The following RBM46 variants were observed in gnomAD, a reference collection of about 807,000 sequenced individuals.
RBM46 encodes the protein RNA binding motif protein 46.
In RBM46, 12 loss-of-function variants were observed where a neutral mutation model predicts 43.3. That is an observed-to-expected ratio of 0.28 (90% CI 0.18 to 0.45). The LOEUF is 0.45. Among genes scored for constraint, RBM46 ranks in the 20% least tolerant of loss-of-function variants. RBM46 has a pLI of 1.00. For missense variants in RBM46, 412 were observed against 639.1 expected (o/e 0.64, Z 3.83); for synonymous variants, 205 against 207.6 (o/e 0.99, Z 0.11).
chr4:154,827,416 C>T (rs576065734), intron 4 of RBM46: 8 of 987,584 alleles, frequency 8.1e-6, no homozygotes, highest in Non-Finnish European at 9.6e-6. Context: ...AATGTTTTTG[C>T]AGTCCAGGGG....
Position 154,828,080 on chromosome 4 carries a change from CATT to C in RBM46, c.*15_*17del. 1.3e-6 allele frequency: 2 copies of C among 1,536,590 alleles called. No individual in the cohort carries two copies. The highest frequency in any genetic ancestry group is 1.1e-5 in the South Asian group (1 of 88,802). On this transcript the variant is annotated 3_prime_UTR_variant, in exon 5 of 5. Transcript: ENST00000281722. ...CTCCTTCTTCTGAAGAAAATACTAA[CATT>C]AGTATGAAAATTTGTGTAAATTTGT...
At chr4:154,783,192 T>C (rs1360388250) in intron 1 of RBM46, among the ~76,000 whole-genome samples, 1 of 152,242 alleles carries the variant, frequency 6.6e-6, no homozygotes, top group Non-Finnish European at 1.5e-5. Flanking sequence ...TGCTTTCTGC[T>C]TAAGGCACTG....
At chr4:154,784,253 A>G (rs1180313486) in intron 1 of RBM46, among the ~76,000 whole-genome samples, 1 of 152,220 alleles carries the variant, frequency 6.6e-6, no homozygotes, top group Non-Finnish European at 1.5e-5. Flanking sequence ...AACTTGGAAG[A>G]TGAAGTTTCA....
intron 4 of RBM46, among the ~76,000 whole-genome samples, chr4:154,807,504 T>A (rs1448945498): frequency 6.6e-6 from 1 of 151,900 alleles, no homozygotes; most frequent in Non-Finnish European, 1.5e-5. Context: ...AGACAGAAGA[T>A]GTAGAATGAT....
chr4:154,787,544 T>G (rs1733842269), intron 1 of RBM46, among the ~76,000 whole-genome samples: 1 of 152,082 alleles, frequency 6.6e-6, no homozygotes, highest in Non-Finnish European at 1.5e-5. Flanking sequence ...TAGTATTCCA[T>G]GGTGTATATG....
intron 1 of RBM46, among the ~76,000 whole-genome samples, chr4:154,794,473 C>G (rs1246768159): frequency 6.6e-6 from 1 of 152,156 alleles, no homozygotes; most frequent in East Asian, 1.9e-4. Context: ...AGTGGTCTCA[C>G]TGCTTCCACC....
rs533605250 is a variant in RBM46 at position 154,800,017 on chromosome 4, C to T, written c.1402+453C>T. The stretch of plus-strand genomic sequence containing the variant: ...CGATCTCCTGACCTCGTGATCTGCC[C>T]GCCTCGGCCTCCCAAAGTGCTGGGA... On this transcript the variant is annotated intron_variant, in intron 4 of 4. Transcript: ENST00000281722. Among the ~76,000 whole-genome samples the T allele has an allele frequency of 4.6e-5, 7 of 152,106 alleles. No individual in the cohort carries two copies. The South Asian group carries it at 8.3e-4, about 18-fold the overall frequency.
Position 154,796,781 on chromosome 4 carries a change from A to G in RBM46, c.29A>G (p.Asn10Ser), listed in dbSNP as rs201983049. 6 of 1,612,016 alleles carry G rather than the reference A, an allele frequency of 3.7e-6. No individual in the cohort carries two copies. Among genetic ancestry groups the G allele is most frequent in the Non-Finnish European group, 5.1e-6 (6 of 1,179,154 alleles). MNEENIDGT[N>S]GCSKVRTGIQ... ...AATGAAGAAAATATAGATGGAACAA[A>G]TGGATGCAGTAAAGTTCGAACTGGT... is the stretch of plus-strand genomic sequence containing the variant. The change falls in exon 2 of 5, where the codon AAT becomes AGT. Residue 10 changes from asparagine to serine, a missense_variant. By Grantham distance (46) the Asn-to-Ser change is conservative. Coordinates refer to ENST00000281722, the MANE Select transcript of RBM46 (RefSeq NM_144979.5).
chr4:154,809,505 A>T (rs1431348450), intron 4 of RBM46, among the ~76,000 whole-genome samples: 1 of 152,168 alleles, frequency 6.6e-6, no homozygotes, highest in African/African-American at 2.4e-5. Context: ...GAGGCATGAA[A>T]AATGGAAAGG....
chr4:154,784,141 CG>C (rs1323576315), intron 1 of RBM46, among the ~76,000 whole-genome samples: 1 of 152,126 alleles, frequency 6.6e-6, no homozygotes, highest in Non-Finnish European at 1.5e-5. Context: ...TATAAAGGCA[CG>C]CTTTGATATT....
At chr4:154,809,128 C>T (rs899214023) in intron 4 of RBM46, among the ~76,000 whole-genome samples, 1 of 151,930 alleles carries the variant, frequency 6.6e-6, no homozygotes, top group Non-Finnish European at 1.5e-5. Context: ...TTCTATTTCT[C>T]ACTAATATAC....
intron 1 of RBM46, among the ~76,000 whole-genome samples, chr4:154,787,499 C>T (rs572239701): frequency 6.6e-6 from 1 of 152,196 alleles, no homozygotes; most frequent in South Asian, 2.1e-4. Context: ...CATATCCCTA[C>T]AAAGGACATG....
Position 154,799,249 on chromosome 4 carries a change from C to G in RBM46, c.1087C>G (p.Pro363Ala). ...RLNGQHSPSP[P>A]EVERCTYPFY... ...CAATGGTCAGCATAGCCCAAGTCCG[C>G]CTGAAGTTGAAAGATGCACTTACCC... Residue 363 changes from proline to alanine, a missense_variant, in exon 4 of 5, where the codon CCT becomes GCT. Coordinates refer to ENST00000281722, the MANE Select transcript of RBM46 (RefSeq NM_144979.5). The G allele has an allele frequency of 6.2e-7, 1 of 1,614,154 alleles. No individual in the cohort carries two copies. The highest frequency in any genetic ancestry group is 8.5e-7 in the Non-Finnish European group (1 of 1,180,024).
chr4:154,803,427 G>A (rs189274936), intron 4 of RBM46, among the ~76,000 whole-genome samples: 70 of 152,100 alleles, frequency 4.6e-4, no homozygotes, highest in Non-Finnish European at 8.2e-4. Context: ...TGGGCTGGGC[G>A]CGGTGGCTCA....
At chr4:154,798,379 A>G (rs1734451241) in intron 3 of RBM46, 101 bp downstream of exon 3, 2 of 711,084 alleles carry the variant, frequency 2.8e-6, no homozygotes, top group South Asian at 4.9e-5. Context: ...TGTCACTTAA[A>G]GAAGAGTAAA....
At chr4:154,798,699 C>A in intron 3 of RBM46, 83 bp from the exon 4 acceptor site, 1 of 1,107,394 alleles carries the variant, frequency 9.0e-7, no homozygotes. Flanking sequence ...GTTTCTGCTT[C>A]TCTGGGGAAA....
intron 4 of RBM46, among the ~76,000 whole-genome samples, chr4:154,818,663 A>G (rs1735580408): frequency 6.7e-6 from 1 of 149,972 alleles, no homozygotes; most frequent in Non-Finnish European, 1.5e-5. Context: ...GTTTTCAAAT[A>G]CTGCATTTGT....
intron 1 of RBM46, among the ~76,000 whole-genome samples, chr4:154,786,433 C>A (rs930618109): frequency 9.2e-5 from 14 of 152,086 alleles, no homozygotes; most frequent in African/African-American, 3.4e-4. Flanking sequence ...AATAACATTT[C>A]TTTTATCTGA....
chr4:154,822,342 C>T (rs1352425512), intron 4 of RBM46, among the ~76,000 whole-genome samples: 2 of 151,486 alleles, frequency 1.3e-5, no homozygotes, highest in African/African-American at 4.8e-5. Context: ...AGGTTTAAAT[C>T]GTAATCTTTA....
Sources: allele counts gnomAD v4.1 joint callset (sites outside exome capture counted in the v4.1 genomes callset), GRCh38; gene constraint gnomAD v4.1.1; transcripts MANE v1.5; gene names NCBI Gene and HGNC (gene_info 2026-07-23, HGNC 2026-07-21).